The following ADGRA3 variants were observed in gnomAD, a reference collection of about 807,000 sequenced individuals.
ADGRA3 encodes the protein adhesion G protein-coupled receptor A3.
ADGRA3 carries 56 observed loss-of-function variants against 119.8 expected under a neutral mutation model. The ratio of observed to expected loss-of-function variants is 0.47; its 90% confidence interval spans 0.38 to 0.58. The LOEUF is 0.58. ADGRA3 is among the 20% of genes least tolerant of loss of function. The pLI is 0.00. For synonymous variants in ADGRA3, 607 were observed against 623.8 expected (o/e 0.97, Z 0.40); for missense variants, 1,516 against 1,649.0 (o/e 0.92, Z 1.40).
At chr4:22,464,588 G>A (rs551543738) in intron 2 of ADGRA3, among the ~76,000 whole-genome samples, 1 of 152,314 alleles carries the variant, frequency 6.6e-6, no homozygotes, top group African/African-American at 2.4e-5. Context: ...GGCACCTGCT[G>A]CAGTAGACAC....
At chr4:22,495,769 C>T (rs1162161820) in intron 1 of ADGRA3, among the ~76,000 whole-genome samples, 1 of 152,016 alleles carries the variant, frequency 6.6e-6, no homozygotes, top group Non-Finnish European at 1.5e-5. Flanking sequence ...ATTAGCCGGG[C>T]GTGGTGGCCG....
intron 12 of ADGRA3, among the ~76,000 whole-genome samples, chr4:22,416,392 C>A (rs1298597875): frequency 6.6e-6 from 1 of 152,134 alleles, no homozygotes; most frequent in Non-Finnish European, 1.5e-5. Flanking sequence ...AAATCATATA[C>A]CATGTAGAGA....
At chr4:22,420,200 A>C (rs1207081167) in intron 12 of ADGRA3, 1 of 152,212 alleles carries the variant, frequency 6.6e-6, no homozygotes, top group Non-Finnish European at 1.5e-5. Context: ...AAAACCGCAG[A>C]GAATACAATT....
At chr4:22,457,372 A>G (rs917032463) in intron 3 of ADGRA3, among the ~76,000 whole-genome samples, 3 of 152,338 alleles carry the variant, frequency 2.0e-5, no homozygotes, top group Admixed American at 6.5e-5. Flanking sequence ...TTAAGAACCC[A>G]TAAGAAAAAC....
chr4:22,388,649 C>A lies in ADGRA3; in HGVS notation c.3022G>T (p.Ala1008Ser), dbSNP rs1713958415. Reference protein sequence around the residue: ...GASLTLLLYVALWMFGALAVS... With the variant: ...GASLTLLLYVSLWMFGALAVS... ...GCCAAAGCCCCAAACATCCACAGTGCAACATATAAGAGCAAAGTAAGGCTG... is the reference window on the plus strand; with the variant it reads ...GCCAAAGCCCCAAACATCCACAGTGAAACATATAAGAGCAAAGTAAGGCTG... The change falls in exon 19 of 19, where the codon GCA (alanine) becomes TCA (serine). Residue 1008 changes from alanine (A) to serine (S), a missense_variant. Physicochemically the swap from Ala to Ser is moderately conservative, Grantham distance 99 (BLOSUM62 1). This residue lies in a region of ADGRA3 where 1,088 missense variants were observed against 1,107.1 expected (regional missense o/e 0.98). Transcript: ENST00000334304. 6.2e-7 allele frequency: 1 copy of A among 1,613,988 alleles called. No homozygotes were observed. Among genetic ancestry groups the A allele is most frequent in the Non-Finnish European group, 8.5e-7 (1 of 1,179,994 alleles).
intron 3 of ADGRA3, among the ~76,000 whole-genome samples, chr4:22,460,057 T>C (rs1247900542): frequency 1.3e-5 from 2 of 152,208 alleles, no homozygotes; most frequent in African/African-American, 4.8e-5. Context: ...CTTGCACACC[T>C]GCGCCCACCC....
At chr4:22,466,837 G>A (rs1717676776) in intron 2 of ADGRA3, among the ~76,000 whole-genome samples, 1 of 152,202 alleles carries the variant, frequency 6.6e-6, no homozygotes, top group South Asian at 2.1e-4. Context: ...TTCCACAAGA[G>A]CAGGCTCTGC....
chr4:22,508,427 G>A (rs1719319630), intron 1 of ADGRA3, among the ~76,000 whole-genome samples: 1 of 152,202 alleles, frequency 6.6e-6, no homozygotes, highest in Admixed American at 6.5e-5. Context: ...AAAGCATCAT[G>A]TCTTATTTTA....
chr4:22,499,600 G>A (rs574027633), intron 1 of ADGRA3, among the ~76,000 whole-genome samples: 24 of 152,246 alleles, frequency 1.6e-4, no homozygotes, highest in African/African-American at 5.3e-4. Flanking sequence ...TCCCAAAAAT[G>A]CATCTACTCC....
intron 2 of ADGRA3, among the ~76,000 whole-genome samples, chr4:22,464,276 T>C (rs1717575752): frequency 6.6e-6 from 1 of 152,230 alleles, no homozygotes; most frequent in South Asian, 2.1e-4. Flanking sequence ...TGCTGGTAAC[T>C]ACCCTAACTT....
rs1719646207 is a variant in ADGRA3 at position 22,515,796 on chromosome 4, G to C, written c.-12C>G. The C allele has an allele frequency of 1.0e-6, 1 of 996,766 alleles. No homozygotes were observed. The highest frequency in any genetic ancestry group is 4.5e-5 in the South Asian group (1 of 22,046). The allele number at this position is 996,766 out of a possible 1,614,324, so 61.7% of individuals were successfully genotyped here. A position where few individuals can be genotyped will look rare whatever the true frequency, so the allele number is the denominator to read the frequency against. ...CCGGGTGGCTCCATGCTGCGGGCCG[G>C]GGCCTGCGGGGCGAGCGGCGGCGCA... On this transcript the variant is annotated 5_prime_UTR_variant, in exon 1 of 19. Coordinates refer to ENST00000334304, the MANE Select transcript of ADGRA3 (RefSeq NM_145290.4).
chr4:22,443,333 C>G (rs1716698941), intron 6 of ADGRA3, among the ~76,000 whole-genome samples: 1 of 152,084 alleles, frequency 6.6e-6, no homozygotes, highest in East Asian at 1.9e-4. Context: ...ATGTTAAGAT[C>G]CCATATACCG....
In ADGRA3 at chr4:22,510,580, A is replaced by G. The variant is rs181394983; in HGVS notation, c.257+4948T>C. ...CCCCAACCAGGCCTGTGTTTGAAATACCACATACGGGCCGGGCCGATGGTT... is the reference window on the plus strand; with the variant it reads ...CCCCAACCAGGCCTGTGTTTGAAATGCCACATACGGGCCGGGCCGATGGTT... On this transcript the variant is annotated intron_variant, in intron 1 of 18. Transcript: ENST00000334304. Among the ~76,000 whole-genome samples the G allele has an allele frequency of 2.1e-3, 312 of 151,880 alleles. 1 individual carries two copies. The highest frequency in any genetic ancestry group is 7.0e-3 in the African/African-American group (290 of 41,382).
intron 3 of ADGRA3, among the ~76,000 whole-genome samples, chr4:22,460,103 T>G (rs1717390045): frequency 6.6e-6 from 1 of 152,150 alleles, no homozygotes; most frequent in African/African-American, 2.4e-5. Context: ...ATTCATTCCT[T>G]GGGAGAAAGT....
At chr4:22,481,867 C>A (rs2109134815) in intron 1 of ADGRA3, among the ~76,000 whole-genome samples, 1 of 152,302 alleles carries the variant, frequency 6.6e-6, no homozygotes, top group East Asian at 1.9e-4. Context: ...AAATGCAAAT[C>A]AAACGCCATT....
chr4:22,445,144 C>T lies in ADGRA3; in HGVS notation c.546-11G>A, dbSNP rs1227770789. 1.9e-6 allele frequency: 3 copies of T among 1,611,868 alleles called. No homozygotes were observed. Among genetic ancestry groups the T allele is most frequent in the Non-Finnish European group, 2.5e-6 (3 of 1,178,162 alleles). On this transcript the variant is annotated splice_polypyrimidine_tract_variant and intron_variant, in intron 5 of 18. Coordinates refer to ENST00000334304, the MANE Select transcript of ADGRA3 (RefSeq NM_145290.4). The stretch of plus-strand genomic sequence containing the variant: ...TCAGTCTGGAATTCCCTGTAACATG[C>T]AAATACAACTTAGAGATTATAGTGA...
chr4:22,398,041 AAC>A, intron 16 of ADGRA3: 6 of 982,788 alleles, frequency 6.1e-6, no homozygotes, highest in Non-Finnish European at 7.3e-6. Flanking sequence ...AAAGACTGAG[AAC>A]ACAGAGGAGC....
intron 14 of ADGRA3, among the ~76,000 whole-genome samples, chr4:22,410,812 T>C (rs186693953): frequency 4.6e-5 from 7 of 152,206 alleles, no homozygotes; most frequent in African/African-American, 1.7e-4. Context: ...CAATTTCAAA[T>C]ACATTTCTCT....
intron 7 of ADGRA3, among the ~76,000 whole-genome samples, chr4:22,441,641 C>T (rs538186029): frequency 6.6e-6 from 1 of 151,992 alleles, no homozygotes; most frequent in African/African-American, 2.4e-5. Context: ...GTCTATAATC[C>T]AAAACTGTCA....
Sources: gnomAD v4.1 joint callset for allele counts (sites outside exome capture counted in the v4.1 genomes callset) on GRCh38, gnomAD v4.1.1 for gene constraint, gnomAD v4.1.1 regional missense constraint, MANE v1.5 for transcripts, NCBI Gene and HGNC (gene_info 2026-07-23, HGNC 2026-07-21) for gene names.